Variants in VPS54 observed in about 807,000 individuals in gnomAD.
The protein encoded by VPS54 is vacuolar protein sorting-associated protein 54.
VPS54 carries 45 observed loss-of-function variants against 121.5 expected under a neutral mutation model. The ratio of observed to expected loss-of-function variants is 0.37; its 90% CI spans 0.29 to 0.47. The LOEUF (loss-of-function observed/expected upper bound fraction) is 0.47, where lower values mean the gene tolerates loss of function less well. Among genes scored for constraint, VPS54 ranks in the 20% least tolerant of loss-of-function variants. The pLI, the probability that VPS54 is intolerant of heterozygous loss-of-function variation, is 0.99. For missense variants in VPS54, 1,090 were observed against 1,131.4 expected, an observed-to-expected ratio of 0.96 and a Z score of 0.52; for synonymous variants, 371 against 385.8, an observed-to-expected ratio of 0.96 and a Z score of 0.45.
chr2:64,003,195 T>A (rs557501135), intron 1 of VPS54, among the ~76,000 whole-genome samples: 1 of 149,832 alleles, frequency 6.7e-6, no homozygotes, highest in African/African-American at 2.5e-5. Flanking sequence ...GCAAACAAAA[T>A]ACACAAAATA....
chr2:63,908,462 T>C (rs139798632), intron 20 of VPS54, among the ~76,000 whole-genome samples: 1 of 152,242 alleles, frequency 6.6e-6, no homozygotes, highest in African/African-American at 2.4e-5. Flanking sequence ...CCAATGATGT[T>C]CTATAACTTG....
intron 1 of VPS54, among the ~76,000 whole-genome samples, chr2:63,987,665 A>G (rs1396693036): frequency 1.4e-5 from 2 of 145,400 alleles, no homozygotes; most frequent in African/African-American, 2.4e-5. Context: ...TGAACACAGA[A>G]TATCTTTCCT....
intron 20 of VPS54, among the ~76,000 whole-genome samples, chr2:63,900,906 G>A (rs565318047): frequency 6.6e-6 from 1 of 152,200 alleles, no homozygotes; most frequent in South Asian, 2.1e-4. Context: ...GGGACTACAG[G>A]TACTTGCCAC....
At chr2:63,899,729 C>T (rs1206143110) in intron 20 of VPS54, 148 bp from the exon 21 acceptor site, 2 of 622,974 alleles carry the variant, frequency 3.2e-6, no homozygotes, top group Non-Finnish European at 5.5e-6. Flanking sequence ...GTGATCTGCG[C>T]TACTCATACA....
rs1343739419 is a variant in VPS54, at chr2:64,019,059, G to A, written c.-142C>T. On this transcript the variant is annotated 5_prime_UTR_variant, in exon 1 of 23. Transcript: ENST00000272322. ...CGCCGCCCGGCGCCCGGCCGGGCCC[G>A]AGCCCGGGTTCCCGCCCCCGCCCCG... 6.6e-6 allele frequency: 1 copy of A among 150,696 alleles called. No individual in the cohort carries two copies. Among genetic ancestry groups the A allele is most frequent in the Non-Finnish European group, 1.5e-5 (1 of 67,522 alleles). 9.3% of individuals were successfully genotyped at this position (150,696 alleles called of 1,614,324 possible).
At chr2:63,902,937 C>T (rs1672744392) in intron 20 of VPS54, among the ~76,000 whole-genome samples, 1 of 152,116 alleles carries the variant, frequency 6.6e-6, no homozygotes, top group Non-Finnish European at 1.5e-5. Flanking sequence ...AACTGTGCTC[C>T]AGCCTGGGCG....
chr2:63,954,287 A>C (rs1333588469), intron 7 of VPS54, among the ~76,000 whole-genome samples: 1 of 152,176 alleles, frequency 6.6e-6, no homozygotes, highest in Non-Finnish European at 1.5e-5. Context: ...AGGTTCCTAC[A>C]AATGATAATT....
chr2:63,986,084 T>C (rs960325130), intron 1 of VPS54, among the ~76,000 whole-genome samples: 1 of 152,252 alleles, frequency 6.6e-6, no homozygotes, highest in African/African-American at 2.4e-5. Flanking sequence ...ACTTTTTCAA[T>C]TTTTGTGAGT....
intron 22 of VPS54, 43 bp from the exon 23 acceptor site, chr2:63,893,578 C>A: frequency 1.3e-6 from 2 of 1,544,636 alleles, no homozygotes; most frequent in Non-Finnish European, 1.8e-6. Flanking sequence ...CTCAAACTTT[C>A]TATTCAGATA....
chr2:63,960,909 G>A (rs1675739267), intron 7 of VPS54, among the ~76,000 whole-genome samples: 1 of 152,148 alleles, frequency 6.6e-6, no homozygotes, highest in Admixed American at 6.5e-5. Flanking sequence ...ATATTTTTGT[G>A]GAAAGATGGT....
chr2:63,929,222 G>C (rs1215532298), intron 12 of VPS54, among the ~76,000 whole-genome samples: 1 of 152,134 alleles, frequency 6.6e-6, no homozygotes, highest in Admixed American at 6.6e-5. Flanking sequence ...ATTCTTCTCA[G>C]CACCACATCA....
chr2:63,899,879 T>C (rs541705199), intron 20 of VPS54, among the ~76,000 whole-genome samples: 81 of 152,130 alleles, frequency 5.3e-4, no homozygotes, highest in Admixed American at 1.6e-3. Context: ...CTAAGCTAGG[T>C]GATGTTGGGC....
chr2:64,004,140 T>C (rs751246289), intron 1 of VPS54, among the ~76,000 whole-genome samples: 1 of 149,670 alleles, frequency 6.7e-6, no homozygotes, highest in Admixed American at 6.6e-5. Context: ...GTATAACATA[T>C]GGAATAAGTA....
intron 1 of VPS54, among the ~76,000 whole-genome samples, chr2:64,006,012 T>C (rs1293141134): frequency 6.6e-6 from 1 of 152,216 alleles, no homozygotes; most frequent in African/African-American, 2.4e-5. Context: ...ATGGCTTGGA[T>C]ACTCAGTCAT....
chr2:63,907,202 A>G (rs1376930312), intron 20 of VPS54, among the ~76,000 whole-genome samples: 1 of 152,200 alleles, frequency 6.6e-6, no homozygotes, highest in Non-Finnish European at 1.5e-5. Flanking sequence ...AAATTGGAGA[A>G]TATCTTTGTA....
At chr2:63,968,863 C>CA (rs34977697) in intron 5 of VPS54, 94 bp downstream of exon 5, 277,810 of 903,916 alleles carry the variant, frequency 0.31, 12,036 homozygotes, top group African/African-American at 0.38. Context: ...GCCAAAGGGT[C>CA]AAAAAAAAAA....
intron 9 of VPS54, among the ~76,000 whole-genome samples, chr2:63,946,429 T>C (rs1293382656): frequency 6.6e-6 from 1 of 152,166 alleles, no homozygotes; most frequent in Non-Finnish European, 1.5e-5. Context: ...ACAACATGTA[T>C]GCAAATTTGG....
At chr2:63,980,646 T>A (rs779709813) in intron 3 of VPS54, among the ~76,000 whole-genome samples, 1 of 152,118 alleles carries the variant, frequency 6.6e-6, no homozygotes, top group African/African-American at 2.4e-5. Context: ...CATAGCTTTG[T>A]AAGGGAAGGA....
intron 7 of VPS54, among the ~76,000 whole-genome samples, chr2:63,956,701 TCA>T (rs1675510338): frequency 6.6e-6 from 1 of 152,182 alleles, no homozygotes; most frequent in Non-Finnish European, 1.5e-5. Flanking sequence ...ATTCCCTATC[TCA>T]CAGTTTTTTG....
Sources: gnomAD v4.1 joint callset for allele counts (sites outside exome capture counted in the v4.1 genomes callset) on GRCh38, gnomAD v4.1.1 for gene constraint, MANE v1.5 for transcripts, NCBI Gene and HGNC (gene_info 2026-07-23, HGNC 2026-07-21) for gene names.